The following NOC2L variants were observed in gnomAD, a reference collection of about 807,000 sequenced individuals.
NOC2L encodes the protein NOC2 like nucleolar associated transcriptional repressor, also known as nucleolar complex protein 2 homolog.
A neutral mutation model predicts 94.2 loss-of-function variants in NOC2L; 101 were observed. That is an observed-to-expected ratio of 1.07 (90% confidence interval 0.91 to 1.26). The LOEUF is 1.26. NOC2L is among the 50% of genes most tolerant of loss of function. The probability of loss-of-function intolerance (pLI) is 0.00; values close to 1 mark genes in which losing one functional copy is unlikely to be tolerated. For missense variants in NOC2L, 1,076 were observed against 980.1 expected, an observed-to-expected ratio of 1.10 and a Z score of -1.31; for synonymous variants, 531 against 413.4, an observed-to-expected ratio of 1.28 and a Z score of -3.45.
At chr1:950,477 A>G (rs954654809) in intron 12 of NOC2L, among the ~76,000 whole-genome samples, 2 of 148,514 alleles carry the variant, frequency 1.3e-5, no homozygotes, top group African/African-American at 4.9e-5. Context: ...ATACAGGTAC[A>G]CACAGGTACA....
Position 949,149 on chromosome 1 carries a change from G to A in NOC2L, c.1444-546C>T, listed in dbSNP as rs111732612. Among the ~76,000 whole-genome samples the A allele has an allele frequency of 1.1e-3, 165 of 147,032 alleles. 2 individuals are homozygous for A. Among genetic ancestry groups the A allele is most frequent in the African/African-American group, 3.9e-3 (159 of 40,938 alleles). On this transcript the variant is annotated intron_variant, in intron 12 of 18. Transcript: ENST00000327044. ...CAGAAGCCACAGGCCATGCACCTCC[G>A]TAGGACATGCCAGGAGGAGCAGAGA... is the stretch of plus-strand genomic sequence containing the variant.
rs779678858 is a variant in NOC2L, at chr1:956,180, T to C, written c.522A>G (p.Val174=). ...RLTPKLFHEV[V]QAFRAAVATT... ...TGGCCACAGCTGCTCGGAACGCCTG[T>C]ACCACTTCATGGAACAGCTTTGGAG... Residue 174 remains valine, a synonymous_variant, in exon 5 of 19, where the codon GTA becomes GTG. Coordinates refer to ENST00000327044, the MANE Select transcript of NOC2L (RefSeq NM_015658.4). 1 of 1,613,872 alleles carries C rather than the reference T, an allele frequency of 6.2e-7. No individual in the cohort carries two copies. The highest frequency in any genetic ancestry group is 1.1e-5 in the South Asian group (1 of 91,066).
intron 8 of NOC2L, among the ~76,000 whole-genome samples, 161 bp downstream of exon 8, chr1:953,621 G>A (rs1642317989): frequency 6.6e-6 from 1 of 152,264 alleles, no homozygotes; most frequent in Admixed American, 6.5e-5. Flanking sequence ...AGAAACCCCA[G>A]GTGGGGGTGG....
At position 944,732 on chromosome 1, in the gene NOC2L, C is replaced by T. The variant is rs777608645; in HGVS notation, c.2212G>A (p.Asp738Asn). The change falls in exon 19 of 19, where the codon GAC (aspartate) becomes AAC (asparagine). Residue 738 changes from aspartate (D) to asparagine (N), a missense_variant. This residue lies in a region of NOC2L where 615 missense variants were observed against 577.4 expected (regional missense o/e 1.07). Transcript: ENST00000327044. ...GAGAGCTGCAGATCCTCCAGCTCGT[C>T]CTCCGGCCCCTGGGCCAGCTGCTGC... ...ELQQLAQGPEDELEDLQLSED... is the reference protein window; with the variant it reads ...ELQQLAQGPENELEDLQLSED... 6 of 1,600,652 alleles carry T rather than the reference C, an allele frequency of 3.7e-6. No individual in the cohort carries two copies. Among genetic ancestry groups the T allele is most frequent in the Admixed American group, 1.7e-5 (1 of 59,838 alleles).
intron 12 of NOC2L, among the ~76,000 whole-genome samples, chr1:950,131 C>T (rs1283769994): frequency 6.6e-6 from 1 of 152,164 alleles, no homozygotes; most frequent in African/African-American, 2.4e-5. Flanking sequence ...GACGCACGTA[C>T]ATGCACACAG....
intron 8 of NOC2L, 143 bp downstream of exon 8, chr1:953,639 G>A (rs947497708): frequency 1.5e-6 from 1 of 661,758 alleles, no homozygotes; most frequent in Non-Finnish European, 2.6e-6. Context: ...TGGGGGCCAG[G>A]TGCTTCTGTG....
rs771282830 is a variant in NOC2L at position 956,983 on chromosome 1, C to T, written c.397G>A (p.Gly133Arg). The T allele has an allele frequency of 1.2e-4, 191 of 1,614,118 alleles. 4 individuals carry two copies. In the South Asian group the frequency reaches 1.2e-3, roughly 10 times the overall value. ...EEDGAEEGED[G>R]DRVPRGLKGK... Reference sequence around the variant, plus strand: ...TTCAGCCCTCTGGGGACTCTGTCCCCATCTTCTCCTTCCTCCGCTCCATCC... The same window carrying T: ...TTCAGCCCTCTGGGGACTCTGTCCCTATCTTCTCCTTCCTCCGCTCCATCC... The change falls in exon 4 of 19, where the codon GGG becomes AGG. Residue 133 changes from glycine to arginine, a missense_variant. Gly to Arg is a moderately radical substitution (Grantham distance 125, BLOSUM62 -2). Coordinates refer to ENST00000327044, the MANE Select transcript of NOC2L (RefSeq NM_015658.4).
chr1:950,289 G>A (rs1028202185), intron 12 of NOC2L, among the ~76,000 whole-genome samples: 1 of 151,816 alleles, frequency 6.6e-6, no homozygotes, highest in Non-Finnish European at 1.5e-5. Flanking sequence ...ATGCACATAG[G>A]TGCACACAGG....
intron 11 of NOC2L, 116 bp from the exon 12 acceptor site, chr1:951,354 A>G (rs1342310804): frequency 3.8e-6 from 3 of 791,256 alleles, no homozygotes; most frequent in East Asian, 5.4e-5. Context: ...AAAGCAGGAC[A>G]AGGCACGTCT....
chr1:951,969 C>T (rs1642271591), intron 11 of NOC2L, 31 bp downstream of exon 11: 3 of 1,597,348 alleles, frequency 1.9e-6, no homozygotes, highest in Admixed American at 1.7e-5. Flanking sequence ...TCCTGACCCT[C>T]CCGCACAACC....
At position 956,984 on chromosome 1, in the gene NOC2L, A is replaced by C. The variant is rs1642420742; in HGVS notation, c.396T>G (p.Asp132Glu). The C allele has an allele frequency of 6.2e-7, 1 of 1,613,950 alleles. No individual in the cohort carries two copies. Among genetic ancestry groups the C allele is most frequent in the African/African-American group, 1.3e-5 (1 of 74,942 alleles). Reference protein sequence around the residue: ...EEEDGAEEGEDGDRVPRGLKG... With the variant: ...EEEDGAEEGEEGDRVPRGLKG... ...TCAGCCCTCTGGGGACTCTGTCCCC[A>C]TCTTCTCCTTCCTCCGCTCCATCCT... is the stretch of plus-strand genomic sequence containing the variant. The change falls in exon 4 of 19, where the codon GAT (aspartate) becomes GAG (glutamate). Residue 132 changes from aspartate to glutamate, a missense_variant. Physicochemically the swap from Asp to Glu is conservative, Grantham distance 45. This residue lies in a region of NOC2L where 457 missense variants were observed against 386.0 expected (regional missense o/e 1.18). Coordinates refer to ENST00000327044, the MANE Select transcript of NOC2L (RefSeq NM_015658.4).
chr1:954,209 C>T, intron 6 of NOC2L, 127 bp from the exon 7 acceptor site: 1 of 813,196 alleles, frequency 1.2e-6, no homozygotes, highest in Non-Finnish European at 1.9e-6. Flanking sequence ...CGTCTCTCCA[C>T]TCAAAAAAGC....
chr1:958,307 C>T, intron 2 of NOC2L: 1 of 204,172 alleles, frequency 4.9e-6, no homozygotes, highest in Non-Finnish European at 1.0e-5. Context: ...GGCTGGAATG[C>T]AATGGTGCCA....
chr1:944,779 G>C lies in NOC2L; in HGVS notation c.2165C>G (p.Ala722Gly), dbSNP rs553649720. The change falls in exon 19 of 19, where the codon GCG becomes GGG. Residue 722 changes from alanine to glycine, a missense_variant. Around this residue, in one of 3 missense-constraint regions of NOC2L, gnomAD observed 615 missense variants for 577.4 expected, o/e 1.07. Coordinates refer to ENST00000327044, the MANE Select transcript of NOC2L (RefSeq NM_015658.4). Reference protein sequence around the residue: ...NSEDGDPDAEAGLAPGELQQL... With the variant: ...NSEDGDPDAEGGLAPGELQQL... ...CTGCAGCTCCCCAGGGGCCAGCCCC[G>C]CCTCTGCGTCTGGGTCTCCATCTGC... The C allele has an allele frequency of 2.5e-6, 4 of 1,595,810 alleles. No homozygotes were observed. Among genetic ancestry groups the C allele is most frequent in the African/African-American group, 2.7e-5 (2 of 74,442 alleles).
At chr1:955,601 A>G (rs1642378558) in intron 6 of NOC2L, among the ~76,000 whole-genome samples, 1 of 152,324 alleles carries the variant, frequency 6.6e-6, no homozygotes, top group Middle Eastern at 3.4e-3. Flanking sequence ...CAGGACTTAC[A>G]AGTTCTTACA....
At chr1:955,357 C>T (rs1642370789) in intron 6 of NOC2L, among the ~76,000 whole-genome samples, 1 of 152,258 alleles carries the variant, frequency 6.6e-6, no homozygotes, top group Non-Finnish European at 1.5e-5. Context: ...GCCTCCACTG[C>T]CTCAAGGTCA....
chr1:954,190 G>T, intron 6 of NOC2L, 108 bp from the exon 7 acceptor site: 1 of 1,003,082 alleles, frequency 1.0e-6, no homozygotes, highest in Non-Finnish European at 1.5e-6. Context: ...CGACTCTGCA[G>T]AGACCCCCCG....
rs140822917 is a variant in NOC2L at position 951,148 on chromosome 1, C to G, written c.1422G>C (p.Pro474=). The change falls in exon 12 of 19, where the codon CCG becomes CCC. Residue 474 remains proline (P), a synonymous_variant. Transcript: ENST00000327044. ...LLSGSSGAFI[P]VLPFILEMFQ... is the part of the protein sequence containing the mutation. ...TCACCTCCAGGATGAAAGGCAGCACCGGGATGAAGGCCCCCGAGCTCCCCG... is the reference window on the plus strand; with the variant it reads ...TCACCTCCAGGATGAAAGGCAGCACGGGGATGAAGGCCCCCGAGCTCCCCG... 1 of 1,587,998 alleles carries G rather than the reference C, an allele frequency of 6.3e-7. No individual in the cohort carries two copies. Among genetic ancestry groups the G allele is most frequent in the African/African-American group, 1.3e-5 (1 of 74,572 alleles).
chr1:954,231 T>C (rs1269658864), intron 6 of NOC2L, 149 bp from the exon 7 acceptor site: 9 of 666,840 alleles, frequency 1.3e-5, no homozygotes, highest in Non-Finnish European at 2.0e-5. Context: ...CAGGGCCCCT[T>C]ACAGCTGGAC....
Sources: gnomAD v4.1 joint callset for allele counts (sites outside exome capture counted in the v4.1 genomes callset) on GRCh38, gnomAD v4.1.1 for gene constraint, gnomAD v4.1.1 regional missense constraint, MANE v1.5 for transcripts, NCBI Gene and HGNC (gene_info 2026-07-23, HGNC 2026-07-21) for gene names.